Variants in IFT81 observed in about 807,000 individuals in gnomAD.
IFT81 encodes intraflagellar transport 81.
Under a neutral mutation model 102.6 loss-of-function variants are expected in IFT81, and 72 were observed. The ratio of observed to expected loss-of-function variants is 0.70; its 90% CI spans 0.58 to 0.85. The LOEUF is 0.85. Ranked by LOEUF, IFT81 falls within the 40% of genes least tolerant of loss-of-function variation. The probability of loss-of-function intolerance (pLI) is 0.00; values close to 1 mark genes in which losing one functional copy is unlikely to be tolerated. For missense variants in IFT81, 723 were observed against 787.3 expected (o/e 0.92, Z 0.98); for synonymous variants, 237 against 242.7 (o/e 0.98, Z 0.22).
chr12:110,165,502 A>G (rs1896384931), intron 11 of IFT81, among the ~76,000 whole-genome samples: 1 of 152,180 alleles, frequency 6.6e-6, no homozygotes, highest in African/African-American at 2.4e-5. Context: ...GGTATTGATA[A>G]TTAGTGGCAT....
intron 12 of IFT81, among the ~76,000 whole-genome samples, chr12:110,186,594 G>A (rs1469168723): frequency 1.3e-5 from 2 of 151,566 alleles, no homozygotes; most frequent in East Asian, 1.9e-4. Flanking sequence ...GCTCATTGCA[G>A]CCTCTACTTC....
intron 8 of IFT81, among the ~76,000 whole-genome samples, chr12:110,142,340 G>A (rs1442530815): frequency 6.6e-6 from 1 of 151,910 alleles, no homozygotes; most frequent in Admixed American, 6.6e-5. Flanking sequence ...GCTAATTTTT[G>A]TATTGTTAGT....
At chr12:110,216,415 G>A (rs938009233) in intron 18 of IFT81, 2 of 431,094 alleles carry the variant, frequency 4.6e-6, no homozygotes, top group African/African-American at 4.1e-5. Flanking sequence ...GGCAGGCCTT[G>A]AACTCCCCAG....
At chr12:110,171,650 C>T (rs1431921354) in intron 11 of IFT81, among the ~76,000 whole-genome samples, 1 of 152,140 alleles carries the variant, frequency 6.6e-6, no homozygotes, top group African/African-American at 2.4e-5. Flanking sequence ...AGTTATGATG[C>T]GTGATTTTAA....
intron 12 of IFT81, among the ~76,000 whole-genome samples, chr12:110,186,177 A>G (rs920043901): frequency 6.6e-6 from 1 of 152,186 alleles, no homozygotes; most frequent in African/African-American, 2.4e-5. Context: ...TCGGCACTTT[A>G]AAGATTTAAT....
rs1290101880 is a variant in IFT81, at chr12:110,150,533, A to G, written c.1041+3485A>G. ...GGTTTTACTTAGTCTCGTCAATCTC[A>G]CATCTTTTTCCTTATCCCACGTTGA... On this transcript the variant is annotated intron_variant, in intron 10 of 18. Transcript: ENST00000242591. Among the ~76,000 whole-genome samples the G allele has an allele frequency of 2.0e-5, 3 of 152,160 alleles. No individual in the cohort carries two copies. In the East Asian group the frequency reaches 5.8e-4, roughly 29 times the overall value.
intron 8 of IFT81, 43 bp downstream of exon 8, chr12:110,136,903 T>A: frequency 8.4e-7 from 1 of 1,185,352 alleles, no homozygotes; most frequent in Non-Finnish European, 1.2e-6. Flanking sequence ...TAGAAAATAT[T>A]AATTTAAATC....
At chr12:110,204,396 A>G (rs1898459302) in intron 15 of IFT81, 1 of 154,660 alleles carries the variant, frequency 6.5e-6, no homozygotes, top group Non-Finnish European at 1.4e-5. Context: ...AGCCTAAGAA[A>G]CCTGTTTAAA....
intron 10 of IFT81, among the ~76,000 whole-genome samples, chr12:110,157,210 G>A (rs755584069): frequency 1.3e-5 from 2 of 151,996 alleles, no homozygotes; most frequent in South Asian, 2.1e-4. Context: ...TTAGCCGGGG[G>A]TGGTGGCGTG....
At position 110,208,403 on chromosome 12, in the gene IFT81, G is replaced by A. The variant is rs116499790; in HGVS notation, c.1803-768G>A. On this transcript the variant is annotated intron_variant, in intron 17 of 18. Coordinates refer to ENST00000242591, the MANE Select transcript of IFT81 (RefSeq NM_014055.4). ...ATGTCTGTAATCCCAGTATCTGGGA[G>A]GCTAAAGTGGGAGATTCACTTGGGC... Among the ~76,000 whole-genome samples the A allele has an allele frequency of 5.9e-3, 892 of 152,206 alleles. 3 individuals carry two copies. The highest frequency in any genetic ancestry group is 0.02 in the African/African-American group (851 of 41,524).
chr12:110,192,117 G>A (rs1376925678), intron 13 of IFT81, among the ~76,000 whole-genome samples: 2 of 151,218 alleles, frequency 1.3e-5, no homozygotes, highest in Non-Finnish European at 2.9e-5. Context: ...GTTGCAGTGA[G>A]CTGAGATCAC....
chr12:110,152,577 T>G (rs1308577887), intron 10 of IFT81, among the ~76,000 whole-genome samples: 1 of 152,118 alleles, frequency 6.6e-6, no homozygotes. Context: ...TGGTTTTTTG[T>G]TGTTGGGTTT....
intron 13 of IFT81, among the ~76,000 whole-genome samples, 185 bp from the exon 14 acceptor site, chr12:110,192,432 T>C (rs1020648705): frequency 6.6e-6 from 1 of 152,220 alleles, no homozygotes; most frequent in African/African-American, 2.4e-5. Context: ...AATGATTAAA[T>C]AGTATAGTAT....
intron 14 of IFT81, among the ~76,000 whole-genome samples, chr12:110,199,956 T>G (rs993188134): frequency 6.6e-6 from 1 of 152,232 alleles, no homozygotes; most frequent in Non-Finnish European, 1.5e-5. Flanking sequence ...CTTCCCACTC[T>G]GCATAGACCC....
intron 11 of IFT81, among the ~76,000 whole-genome samples, chr12:110,166,302 A>G (rs1896432785): frequency 6.6e-6 from 1 of 152,346 alleles, no homozygotes; most frequent in Admixed American, 6.5e-5. Flanking sequence ...TTTAGTGGAA[A>G]TAAATATGAA....
rs752970956 is a variant in IFT81 at position 110,162,981 on chromosome 12, G to A, written c.1104G>A (p.Lys368=). 5.6e-6 allele frequency: 9 copies of A among 1,613,928 alleles called. No individual in the cohort carries two copies. Among genetic ancestry groups the A allele is most frequent in the Middle Eastern group, 1.6e-4 (1 of 6,084 alleles). The change falls in exon 11 of 19, where the codon AAG becomes AAA. Residue 368 remains lysine, a synonymous_variant. Transcript: ENST00000242591. ...KAEELQEAKE[K]LASLEREASV... is the part of the protein sequence containing the mutation. Reference sequence around the variant, plus strand: ...AGGAACTTCAGGAGGCCAAGGAGAAGTTAGCCAGCCTAGAGAGAGAAGCAT... The same window carrying A: ...AGGAACTTCAGGAGGCCAAGGAGAAATTAGCCAGCCTAGAGAGAGAAGCAT...
At chr12:110,157,548 G>A (rs933667788) in intron 10 of IFT81, among the ~76,000 whole-genome samples, 1 of 151,956 alleles carries the variant, frequency 6.6e-6, no homozygotes, top group Non-Finnish European at 1.5e-5. Flanking sequence ...CTTCTTAGAT[G>A]TTTATATTTG....
chr12:110,158,212 A>G (rs1284114735), intron 10 of IFT81, among the ~76,000 whole-genome samples: 1 of 151,988 alleles, frequency 6.6e-6, no homozygotes, highest in African/African-American at 2.4e-5. Flanking sequence ...CTGGGATTAT[A>G]GGCTAATACA....
chr12:110,159,975 G>A (rs1356891163), intron 10 of IFT81, among the ~76,000 whole-genome samples: 2 of 152,188 alleles, frequency 1.3e-5, no homozygotes, highest in African/African-American at 4.8e-5. Context: ...TCTGTGTGAT[G>A]TAATTATTTT....
Sources: allele counts gnomAD v4.1 joint callset (sites outside exome capture counted in the v4.1 genomes callset), GRCh38; gene constraint gnomAD v4.1.1; transcripts MANE v1.5; gene names NCBI Gene and HGNC (gene_info 2026-07-23, HGNC 2026-07-21).